ARMC9: variants seen among roughly 807,000 people sequenced by gnomAD.
The protein encoded by ARMC9 is armadillo repeat containing 9.
ARMC9 carries 94 observed loss-of-function variants against 107.0 expected under a neutral mutation model. That is an observed-to-expected ratio of 0.88 (90% CI 0.74 to 1.04). The LOEUF (loss-of-function observed/expected upper bound fraction) is 1.04. ARMC9 is among the 50% of genes least tolerant of loss of function. The pLI, the probability that ARMC9 is intolerant of heterozygous loss-of-function variation, is 0.00. For synonymous variants in ARMC9, 380 were observed against 396.9 expected (o/e 0.96, Z 0.51); for missense variants, 942 against 1,030.1 (o/e 0.91, Z 1.17).
chr2:231,223,893 T>TGG (rs2034394923), intron 6 of ARMC9, among the ~76,000 whole-genome samples: 1 of 152,182 alleles, frequency 6.6e-6, no homozygotes, highest in East Asian at 1.9e-4. Context: ...CTTCCTAGAG[T>TGG]TCCATATACA....
intron 23 of ARMC9, among the ~76,000 whole-genome samples, chr2:231,364,198 G>A (rs1301196384): frequency 6.6e-6 from 1 of 152,210 alleles, no homozygotes; most frequent in African/African-American, 2.4e-5. Flanking sequence ...TTCTCAGCAT[G>A]GCCCTGCCAC....
chr2:231,256,003 G>C, intron 9 of ARMC9: 1 of 1,268,080 alleles, frequency 7.9e-7, no homozygotes, highest in South Asian at 1.5e-5. Flanking sequence ...TTGCGCCACT[G>C]CTCTCCAGCC....
chr2:231,311,708 C>G (rs2042359664), intron 19 of ARMC9, among the ~76,000 whole-genome samples: 1 of 136,426 alleles, frequency 7.3e-6, no homozygotes, highest in Admixed American at 8.3e-5. Flanking sequence ...AGGTGGAGTT[C>G]TCAGTGAGCC....
intron 11 of ARMC9, among the ~76,000 whole-genome samples, chr2:231,261,635 G>A (rs1424982176): frequency 6.6e-6 from 1 of 152,178 alleles, no homozygotes; most frequent in African/African-American, 2.4e-5. Flanking sequence ...GCTCCCCTGT[G>A]CTGGTTAATA....
chr2:231,220,313 T>A (rs1007975202), intron 5 of ARMC9, among the ~76,000 whole-genome samples: 1 of 152,102 alleles, frequency 6.6e-6, no homozygotes, highest in African/African-American at 2.4e-5. Flanking sequence ...ATTAAAACTT[T>A]AGGCCAGGTG....
chr2:231,272,836 A>T, intron 13 of ARMC9, 119 bp from the exon 14 acceptor site: 1 of 1,332,630 alleles, frequency 7.5e-7, no homozygotes, highest in Non-Finnish European at 1.0e-6. Context: ...TTTAGAACAT[A>T]AAATTACCCA....
chr2:231,309,700 C>T (rs1484881126), intron 19 of ARMC9, among the ~76,000 whole-genome samples: 1 of 151,760 alleles, frequency 6.6e-6, no homozygotes, highest in African/African-American at 2.4e-5. Context: ...GACAACAGGC[C>T]ATATACCACT....
intron 7 of ARMC9, 75 bp downstream of exon 7, chr2:231,226,873 A>G (rs1242903962): frequency 2.3e-5 from 35 of 1,494,188 alleles, no homozygotes; most frequent in Middle Eastern, 1.7e-4. Context: ...ATCGGTGCAA[A>G]GATGGAGAGA....
At chr2:231,361,460 T>TAA (rs567342793) in intron 23 of ARMC9, among the ~76,000 whole-genome samples, 12 of 87,616 alleles carry the variant, frequency 1.4e-4, no homozygotes, top group African/African-American at 3.8e-4. Context: ...ATCAAAAAAC[T>TAA]AAAAAAAAAA....
chr2:231,316,051 C>G (rs2042655117), intron 19 of ARMC9, among the ~76,000 whole-genome samples: 1 of 152,108 alleles, frequency 6.6e-6, no homozygotes, highest in African/African-American at 2.4e-5. Flanking sequence ...GGCTCGATTT[C>G]TGTTCCTCTT....
At chr2:231,207,774 G>A (rs1032044990) in intron 2 of ARMC9, among the ~76,000 whole-genome samples, 6 of 152,150 alleles carry the variant, frequency 3.9e-5, no homozygotes, top group Non-Finnish European at 4.4e-5. Flanking sequence ...GCTCCTGGCC[G>A]GTAGTTCTAT....
At chr2:231,221,602 G>A (rs1336630311) in intron 5 of ARMC9, among the ~76,000 whole-genome samples, 5 of 151,738 alleles carry the variant, frequency 3.3e-5, no homozygotes, top group African/African-American at 1.2e-4. Context: ...GCCAAGGCAG[G>A]TAGATCACTT....
intron 5 of ARMC9, among the ~76,000 whole-genome samples, chr2:231,220,700 T>A (rs547607887): frequency 6.6e-6 from 1 of 152,062 alleles, no homozygotes; most frequent in South Asian, 2.1e-4. Flanking sequence ...CACGCCCAGC[T>A]TGGAAATGTT....
At chr2:231,349,978 A>T (rs1306077517) in intron 21 of ARMC9, among the ~76,000 whole-genome samples, 1 of 151,962 alleles carries the variant, frequency 6.6e-6, no homozygotes, top group African/African-American at 2.4e-5. Context: ...GTATCAAAAC[A>T]ATTCACATAT....
At chr2:231,302,437 GTTTTTTTTTTT>G (rs56032700) in intron 19 of ARMC9, among the ~76,000 whole-genome samples, 2 of 58,100 alleles carry the variant, frequency 3.4e-5, no homozygotes, top group Non-Finnish European at 6.7e-5. Flanking sequence ...TTGTGGGTTT[GTTTTTTTTTTT>G]TTTTTTTTTT....
chr2:231,366,115 A>G (rs1390290246), intron 23 of ARMC9, among the ~76,000 whole-genome samples: 2 of 152,206 alleles, frequency 1.3e-5, no homozygotes, highest in Non-Finnish European at 2.9e-5. Flanking sequence ...CAAGCGCAGA[A>G]TCTGATGGGG....
chr2:231,343,902 G>GAAA (rs570333260), intron 20 of ARMC9, among the ~76,000 whole-genome samples: 2 of 137,226 alleles, frequency 1.5e-5, no homozygotes, highest in African/African-American at 5.4e-5. Flanking sequence ...TCGTCTCGAG[G>GAAA]AAAAAAAAAA....
intron 19 of ARMC9, among the ~76,000 whole-genome samples, chr2:231,309,084 CT>C (rs1252953955): frequency 3.3e-5 from 5 of 152,212 alleles, no homozygotes; most frequent in Non-Finnish European, 5.9e-5. Context: ...TTGCTTCTTT[CT>C]GGTACCTTTT....
intron 19 of ARMC9, among the ~76,000 whole-genome samples, chr2:231,301,633 A>G (rs2041730971): frequency 6.6e-6 from 1 of 151,942 alleles, no homozygotes; most frequent in Non-Finnish European, 1.5e-5. Context: ...TGTTTTAAAG[A>G]TATATTTTTT....
Sources: allele counts gnomAD v4.1 joint callset (sites outside exome capture counted in the v4.1 genomes callset), GRCh38; gene constraint gnomAD v4.1.1; transcripts MANE v1.5; gene names NCBI Gene and HGNC (gene_info 2026-07-23, HGNC 2026-07-21).